Variants in LRMDA observed in about 807,000 individuals in gnomAD.
The protein encoded by LRMDA is leucine rich melanocyte differentiation associated, also known as leucine-rich melanocyte differentiation-associated protein.
In LRMDA, 18 loss-of-function variants were observed where a neutral mutation model predicts 29.8. The observed-to-expected ratio is 0.60, with a 90% CI of 0.42 to 0.90. LRMDA has a LOEUF of 0.90. Ranked by LOEUF, LRMDA falls within the 40% of genes least tolerant of loss-of-function variation. The probability of loss-of-function intolerance (pLI) is 0.00; values close to 1 mark genes in which losing one functional copy is unlikely to be tolerated. For missense variants in LRMDA, 273 were observed against 273.9 expected (o/e 1.00, Z 0.02); for synonymous variants, 125 against 109.4 (o/e 1.14, Z -0.89).
At chr10:76,161,773 G>A (rs1336615683) in intron 5 of LRMDA, among the ~76,000 whole-genome samples, 26 of 152,130 alleles carry the variant, frequency 1.7e-4, no homozygotes. Context: ...AGACCTAGAT[G>A]TGGTGGCACC....
At chr10:75,555,935 G>C (rs747700009) in intron 2 of LRMDA, among the ~76,000 whole-genome samples, 8 of 152,142 alleles carry the variant, frequency 5.3e-5, no homozygotes, top group Non-Finnish European at 1.2e-4. Context: ...AAATTCACTG[G>C]ATGAGCTTAA....
chr10:75,519,748 G>A (rs888883747), intron 2 of LRMDA, among the ~76,000 whole-genome samples: 5 of 152,166 alleles, frequency 3.3e-5, no homozygotes, highest in East Asian at 3.8e-4. Context: ...TATTTTGCCC[G>A]TTAATTGATG....
At chr10:76,406,304 C>A (rs1462898262) in intron 6 of LRMDA, among the ~76,000 whole-genome samples, 4 of 152,114 alleles carry the variant, frequency 2.6e-5, no homozygotes, top group Non-Finnish European at 2.9e-5. Flanking sequence ...CCAACATGAC[C>A]CACAAACTGT....
At chr10:75,783,664 G>A (rs926762901) in intron 2 of LRMDA, among the ~76,000 whole-genome samples, 7 of 152,204 alleles carry the variant, frequency 4.6e-5, no homozygotes, top group Middle Eastern at 3.4e-3. Context: ...ACCTTTTTGA[G>A]TCTGTTTCTT....
In LRMDA at chr10:76,498,218, T is replaced by G. The variant is rs1277632698; in HGVS notation, c.602-58991T>G. Among the ~76,000 whole-genome samples, 6 of 75,618 alleles carry G rather than the reference T, an allele frequency of 7.9e-5. 2 individuals are homozygous for G. The highest frequency in any genetic ancestry group is 1.9e-4 in the African/African-American group (6 of 31,100). 49.6% of individuals were successfully genotyped at this position (75,618 alleles called of 152,430 possible). On this transcript the variant is annotated intron_variant, in intron 6 of 6. Transcript: ENST00000611255. ...TCAGCATTGTTTTCTTTGGCTTTGC[T>G]TCATTCACGATAATCAAGGACTTGG... is the stretch of plus-strand genomic sequence containing the variant.
intron 2 of LRMDA, among the ~76,000 whole-genome samples, chr10:75,824,107 A>G (rs887201237): frequency 7.9e-5 from 12 of 152,128 alleles, no homozygotes; most frequent in African/African-American, 2.7e-4. Context: ...TATCCATGTA[A>G]CACAACTGCA....
chr10:75,778,773 T>C (rs971631747), intron 2 of LRMDA, among the ~76,000 whole-genome samples: 1 of 152,214 alleles, frequency 6.6e-6, no homozygotes, highest in Non-Finnish European at 1.5e-5. Flanking sequence ...AGACTAGCAG[T>C]ATCTAAAAGG....
intron 2 of LRMDA, among the ~76,000 whole-genome samples, chr10:75,741,709 C>T (rs1842831822): frequency 6.6e-6 from 1 of 152,144 alleles, no homozygotes; most frequent in African/African-American, 2.4e-5. Flanking sequence ...ACAACCTGGC[C>T]TGGAAAGAAG....
intron 2 of LRMDA, among the ~76,000 whole-genome samples, chr10:75,716,229 A>G (rs2132182692): frequency 6.6e-6 from 1 of 152,330 alleles, no homozygotes; most frequent in East Asian, 1.9e-4. Context: ...AAGCTTAGAA[A>G]TGTTAAGTGA....
At chr10:75,749,838 A>C (rs1258166283) in intron 2 of LRMDA, among the ~76,000 whole-genome samples, 1 of 152,174 alleles carries the variant, frequency 6.6e-6, no homozygotes, top group African/African-American at 2.4e-5. Context: ...ACTCTTAACC[A>C]GCATGCTGTC....
chr10:76,229,740 G>A (rs1852025559), intron 5 of LRMDA, among the ~76,000 whole-genome samples: 1 of 152,098 alleles, frequency 6.6e-6, no homozygotes, highest in Non-Finnish European at 1.5e-5. Context: ...TTTGCGGGTG[G>A]GAGGTTGGGG....
intron 6 of LRMDA, among the ~76,000 whole-genome samples, chr10:76,360,790 A>T (rs1841301935): frequency 6.6e-6 from 1 of 152,206 alleles, no homozygotes; most frequent in South Asian, 2.1e-4. Context: ...CACCTGCTAC[A>T]GTTGAACTTT....
At chr10:75,589,664 T>C (rs1300899550) in intron 2 of LRMDA, among the ~76,000 whole-genome samples, 1 of 152,034 alleles carries the variant, frequency 6.6e-6, no homozygotes, top group Non-Finnish European at 1.5e-5. Context: ...CTCAGGAGGC[T>C]GAGGTGGGAG....
At chr10:75,737,917 A>G (rs986649476) in intron 2 of LRMDA, among the ~76,000 whole-genome samples, 1 of 152,190 alleles carries the variant, frequency 6.6e-6, no homozygotes, top group Non-Finnish European at 1.5e-5. Context: ...TTATGATGGA[A>G]ACGCTGGAAG....
At chr10:75,773,117 G>T (rs1843266388) in intron 2 of LRMDA, among the ~76,000 whole-genome samples, 1 of 152,174 alleles carries the variant, frequency 6.6e-6, no homozygotes, top group African/African-American at 2.4e-5. Flanking sequence ...TGTTTGTTAT[G>T]GGGGACTGTC....
intron 6 of LRMDA, among the ~76,000 whole-genome samples, chr10:76,334,526 G>A (rs1382500718): frequency 6.6e-6 from 1 of 152,200 alleles, no homozygotes; most frequent in Non-Finnish European, 1.5e-5. Flanking sequence ...TGAGGGAAGT[G>A]AACACCTGCT....
At chr10:76,131,701 A>T (rs1279537375) in intron 5 of LRMDA, among the ~76,000 whole-genome samples, 1 of 151,516 alleles carries the variant, frequency 6.6e-6, no homozygotes, top group African/African-American at 2.4e-5. Context: ...TTTAATTCAT[A>T]TTGCATTGCT....
Position 76,368,182 on chromosome 10 carries a change from G to A in LRMDA, c.601+43697G>A, listed in dbSNP as rs115282962. Among the ~76,000 whole-genome samples the A allele has an allele frequency of 6.7e-3, 1,023 of 152,202 alleles. 11 individuals are homozygous for A. The highest frequency in any genetic ancestry group is 0.024 in the African/African-American group (985 of 41,542). On this transcript the variant is annotated intron_variant, in intron 6 of 6. Transcript: ENST00000611255. ...TCTTGTTTCTCTAGTTTTTTGAGGTGTTACTGTAAATTGTTCTTCTGTGCT... is the reference window on the plus strand; with the variant it reads ...TCTTGTTTCTCTAGTTTTTTGAGGTATTACTGTAAATTGTTCTTCTGTGCT...
chr10:75,678,397 G>A (rs1282846233), intron 2 of LRMDA, among the ~76,000 whole-genome samples: 2 of 152,154 alleles, frequency 1.3e-5, no homozygotes, highest in Non-Finnish European at 2.9e-5. Context: ...TGATGGTGGG[G>A]AGAAGTTTAA....
Sources: allele counts gnomAD v4.1 joint callset (sites outside exome capture counted in the v4.1 genomes callset), GRCh38; gene constraint gnomAD v4.1.1; transcripts MANE v1.5; gene names NCBI Gene and HGNC (gene_info 2026-07-23, HGNC 2026-07-21).